TGM6: variants seen among roughly 807,000 people sequenced by gnomAD.
TGM6 encodes the protein protein-glutamine gamma-glutamyltransferase 6.
A neutral mutation model predicts 77.5 loss-of-function variants in TGM6; 74 were observed. The ratio of observed to expected loss-of-function variants is 0.96; its 90% CI spans 0.79 to 1.16. The LOEUF (loss-of-function observed/expected upper bound fraction) is 1.16. Among genes scored for constraint, TGM6 ranks in the 50% most tolerant of loss-of-function variants. The pLI, the probability that TGM6 is intolerant of heterozygous loss-of-function variation, is 0.00. For synonymous variants in TGM6, 383 were observed against 378.9 expected, an observed-to-expected ratio of 1.01 and a Z score of -0.12; for missense variants, 968 against 940.2, an observed-to-expected ratio of 1.03 and a Z score of -0.39.
rs3050731 is a variant in TGM6, at chr20:2,406,831, C to CAAAAAAAAAAAAAAAAAA, written c.1336+3026_1336+3043dup. The stretch of plus-strand genomic sequence containing the variant: ...CCTCAGCAACAAGTGCGAAACTCCT[C>CAAAAAAAAAAAAAAAAAA]AAAAAAAAAAAAAAAAAAAAAAAAA... On this transcript the variant is annotated intron_variant, in intron 9 of 12. Transcript: ENST00000202625. 3.8e-4 allele frequency among the ~76,000 whole-genome samples: 24 copies of CAAAAAAAAAAAAAAAAAA among 63,710 alleles called. 1 individual carries two copies. The highest frequency in any genetic ancestry group is 4.0e-4 in the African/African-American group (9 of 22,392). The allele number at this position is 63,710 out of a possible 152,430, so 41.8% of individuals were successfully genotyped here.
chr20:2,420,814 G>A (rs2084850832), intron 10 of TGM6, among the ~76,000 whole-genome samples: 1 of 151,932 alleles, frequency 6.6e-6, no homozygotes, highest in Admixed American at 6.6e-5. Context: ...CGGTTTTTGT[G>A]TCTTGATGGG....
intron 9 of TGM6, among the ~76,000 whole-genome samples, chr20:2,414,953 A>G (rs1568665952): frequency 1.3e-5 from 2 of 151,426 alleles, no homozygotes; most frequent in African/African-American, 4.9e-5. Context: ...GGGTGAAAAA[A>G]CGTTCTAAAA....
At chr20:2,390,019 C>T (rs2084620073) in intron 1 of TGM6, among the ~76,000 whole-genome samples, 1 of 152,164 alleles carries the variant, frequency 6.6e-6, no homozygotes, top group African/African-American at 2.4e-5. Context: ...CCAGAGAAGC[C>T]TCCAATCCCA....
chr20:2,404,196 C>T (rs1485971249), intron 9 of TGM6, among the ~76,000 whole-genome samples: 2 of 152,220 alleles, frequency 1.3e-5, no homozygotes, highest in African/African-American at 4.8e-5. Flanking sequence ...AAACGCATGG[C>T]ACAGGCCCAA....
chr20:2,381,252 G>A (rs1398540366), intron 1 of TGM6, among the ~76,000 whole-genome samples: 1 of 152,196 alleles, frequency 6.6e-6, no homozygotes, highest in Non-Finnish European at 1.5e-5. Flanking sequence ...ACTGAAGGAG[G>A]CAGGCACAGG....
intron 2 of TGM6, among the ~76,000 whole-genome samples, 189 bp from the exon 3 acceptor site, chr20:2,395,005 A>ATGT (rs2084653166): frequency 6.6e-6 from 1 of 152,176 alleles, no homozygotes; most frequent in Admixed American, 6.5e-5. Context: ...AGTGGCTGGG[A>ATGT]TGTCAGGGCA....
At chr20:2,406,647 C>T (rs1477251309) in intron 9 of TGM6, among the ~76,000 whole-genome samples, 1 of 150,494 alleles carries the variant, frequency 6.6e-6, no homozygotes, top group African/African-American at 2.4e-5. Flanking sequence ...ACCAGCCTGG[C>T]CAACATGGCG....
At chr20:2,396,735 C>G in intron 4 of TGM6, 111 bp downstream of exon 4, 1 of 986,292 alleles carries the variant, frequency 1.0e-6, no homozygotes, top group Admixed American at 2.0e-5. Context: ...GGGGGGCTCA[C>G]TCCTAGAGAA....
chr20:2,407,997 G>A (rs755929933), intron 9 of TGM6, among the ~76,000 whole-genome samples: 4 of 152,150 alleles, frequency 2.6e-5, no homozygotes, highest in African/African-American at 2.4e-5. Context: ...TCTCTAATTC[G>A]ACCAGGGCAG....
chr20:2,417,633 T>TG, intron 10 of TGM6, 60 bp downstream of exon 10: 1 of 1,526,004 alleles, frequency 6.6e-7, no homozygotes, highest in South Asian at 1.2e-5. Context: ...AGGAGGGTTG[T>TG]GGAGGTCAGA....
chr20:2,403,269 T>C, intron 7 of TGM6, 128 bp from the exon 8 acceptor site: 1 of 903,340 alleles, frequency 1.1e-6, no homozygotes, highest in South Asian at 1.4e-5. Context: ...TGTGGTTGAA[T>C]GAGTGATTCA....
chr20:2,419,385 AC>A (rs2084841341), intron 10 of TGM6, among the ~76,000 whole-genome samples: 1 of 152,198 alleles, frequency 6.6e-6, no homozygotes, highest in African/African-American at 2.4e-5. Context: ...GAGGTGTCAC[AC>A]TTTTTTAGCT....
intron 4 of TGM6, 141 bp from the exon 5 acceptor site, chr20:2,397,777 G>A: frequency 7.6e-7 from 1 of 1,317,442 alleles, no homozygotes; most frequent in Non-Finnish European, 1.1e-6. Flanking sequence ...ACTAGGGGGT[G>A]CTCTGTGATG....
chr20:2,410,461 T>A lies in TGM6; in HGVS notation c.1336+6638T>A, dbSNP rs140558139. On this transcript the variant is annotated intron_variant, in intron 9 of 12. Coordinates refer to ENST00000202625, the MANE Select transcript of TGM6 (RefSeq NM_198994.3). Reference sequence around the variant, plus strand: ...TATATCCTTCATAACAAACCAGGAATGGTAAGTAAACTGTTTTTCTGAGTT... The same window carrying A: ...TATATCCTTCATAACAAACCAGGAAAGGTAAGTAAACTGTTTTTCTGAGTT... Among the ~76,000 whole-genome samples the A allele has an allele frequency of 8.2e-3, 1,253 of 152,182 alleles. 6 individuals are homozygous for A. Among genetic ancestry groups the A allele is most frequent in the Non-Finnish European group, 0.013 (914 of 68,002 alleles).
In TGM6 at chr20:2,417,276, C is replaced by A; in HGVS notation, c.1381C>A (p.Leu461Met). Residue 461 changes from leucine (L) to methionine (M), a missense_variant, in exon 10 of 13, where the codon CTG (leucine) becomes ATG (methionine). Physicochemically the swap from Leu to Met is conservative, Grantham distance 15 (BLOSUM62 2). Transcript: ENST00000202625. Reference protein sequence around the residue: ...RQVYSKAVNRLFGVEASGRRI... With the variant: ...RQVYSKAVNRMFGVEASGRRI... The stretch of plus-strand genomic sequence containing the variant: ...GGTGTACAGCAAGGCGGTGAACAGG[C>A]TGTTCGGCGTGGAAGCCTCTGGAAG... 6.2e-7 allele frequency: 1 copy of A among 1,610,412 alleles called. No individual in the cohort carries two copies. The highest frequency in any genetic ancestry group is 8.5e-7 in the Non-Finnish European group (1 of 1,178,514).
At chr20:2,431,447 G>A (rs73569492) in intron 12 of TGM6, among the ~76,000 whole-genome samples, 312 of 152,104 alleles carry the variant, frequency 2.1e-3, no homozygotes, top group African/African-American at 6.3e-3. Context: ...TCATGGATTC[G>A]TTTATTTACT....
At chr20:2,420,621 A>C (rs7361683) in intron 10 of TGM6, among the ~76,000 whole-genome samples, 1 of 152,190 alleles carries the variant, frequency 6.6e-6, no homozygotes, top group East Asian at 1.9e-4. Context: ...CCCATGTTCC[A>C]GCTATGTGCT....
intron 12 of TGM6, 43 bp from the exon 13 acceptor site, chr20:2,432,447 A>G: frequency 6.2e-7 from 1 of 1,612,300 alleles, no homozygotes; most frequent in Non-Finnish European, 8.5e-7. Context: ...TCAGAATGGC[A>G]AGAGGACTGA....
At chr20:2,412,767 T>C (rs1020440049) in intron 9 of TGM6, among the ~76,000 whole-genome samples, 1 of 151,916 alleles carries the variant, frequency 6.6e-6, no homozygotes, top group Admixed American at 6.6e-5. Context: ...ATTAAGAAAA[T>C]AAATCCATTT....
Sources: gnomAD v4.1 joint callset for allele counts (sites outside exome capture counted in the v4.1 genomes callset) on GRCh38, gnomAD v4.1.1 for gene constraint, MANE v1.5 for transcripts, NCBI Gene and HGNC (gene_info 2026-07-23, HGNC 2026-07-21) for gene names.